The following HCN1 variants were observed in gnomAD, a reference collection of about 807,000 sequenced individuals.
The protein encoded by HCN1 is hyperpolarization activated cyclic nucleotide gated potassium channel 1.
In HCN1, 13 loss-of-function variants were observed where a neutral mutation model predicts 78.9. The ratio of observed to expected loss-of-function variants is 0.16; its 90% CI spans 0.11 to 0.26. HCN1 has a LOEUF of 0.26. Among genes scored for constraint, HCN1 ranks in the 10% least tolerant of loss-of-function variants. The probability of loss-of-function intolerance (pLI) is 1.00; values close to 1 mark genes in which losing one functional copy is unlikely to be tolerated. For missense variants in HCN1, 810 were observed against 1,154.3 expected, an observed-to-expected ratio of 0.70 and a Z score of 4.32; for synonymous variants, 552 against 455.5, an observed-to-expected ratio of 1.21 and a Z score of -2.70.
At chr5:45,301,078 G>C (rs1745606613) in intron 6 of HCN1, among the ~76,000 whole-genome samples, 1 of 151,864 alleles carries the variant, frequency 6.6e-6, no homozygotes, top group Non-Finnish European at 1.5e-5. Context: ...TGGTTATTTT[G>C]ATAAAGTTAA....
At chr5:45,456,612 T>C (rs1342693697) in intron 3 of HCN1, among the ~76,000 whole-genome samples, 2 of 152,026 alleles carry the variant, frequency 1.3e-5, no homozygotes, top group Non-Finnish European at 2.9e-5. Flanking sequence ...AAAACAAACA[T>C]AATTTTACAA....
chr5:45,315,476 T>C (rs1456707192), intron 5 of HCN1, among the ~76,000 whole-genome samples: 11 of 152,046 alleles, frequency 7.2e-5, no homozygotes, highest in Admixed American at 2.0e-4. Context: ...AGTTCTAAAA[T>C]TGACACCCTA....
chr5:45,638,867 C>T (rs1745403660), intron 2 of HCN1, among the ~76,000 whole-genome samples: 1 of 152,148 alleles, frequency 6.6e-6, no homozygotes, highest in Non-Finnish European at 1.5e-5. Flanking sequence ...GAACCAACTA[C>T]CCTCCAGCCT....
intron 2 of HCN1, among the ~76,000 whole-genome samples, chr5:45,569,151 T>C (rs577265289): frequency 1.3e-5 from 2 of 152,272 alleles, no homozygotes; most frequent in Non-Finnish European, 2.9e-5. Flanking sequence ...CTTTAGATCA[T>C]ATCCTTTTGT....
intron 2 of HCN1, among the ~76,000 whole-genome samples, chr5:45,552,070 G>A (rs1452992248): frequency 4.6e-5 from 7 of 151,904 alleles, no homozygotes; most frequent in Non-Finnish European, 8.8e-5. Context: ...TTCTTTGAGA[G>A]AAATTCATGA....
chr5:45,350,995 T>C (rs1403297683), intron 5 of HCN1, among the ~76,000 whole-genome samples: 1 of 152,122 alleles, frequency 6.6e-6, no homozygotes, highest in Non-Finnish European at 1.5e-5. Flanking sequence ...AAGCTACCAA[T>C]GACTGTCTTC....
At chr5:45,372,122 TTA>T (rs374675731) in intron 4 of HCN1, among the ~76,000 whole-genome samples, 46 of 56,096 alleles carry the variant, frequency 8.2e-4, no homozygotes, top group Admixed American at 3.1e-3. Flanking sequence ...TAATTATATA[TTA>T]TATATATAAT....
chr5:45,285,790 A>C (rs541893481), intron 6 of HCN1, among the ~76,000 whole-genome samples: 12 of 151,960 alleles, frequency 7.9e-5, no homozygotes, highest in Non-Finnish European at 1.6e-4. Flanking sequence ...ACCCCCTTGC[A>C]GAACTGGAGG....
intron 1 of HCN1, among the ~76,000 whole-genome samples, chr5:45,677,237 T>C (rs572073332): frequency 6.6e-6 from 1 of 151,910 alleles, no homozygotes; most frequent in East Asian, 1.9e-4. Flanking sequence ...CATGTCTTCC[T>C]CACAAGATTG....
intron 2 of HCN1, among the ~76,000 whole-genome samples, chr5:45,531,995 G>A (rs540313897): frequency 3.3e-5 from 5 of 152,168 alleles, no homozygotes; most frequent in African/African-American, 9.6e-5. Flanking sequence ...AGCCGAGATC[G>A]CACCACTGCA....
chr5:45,510,745 G>A (rs1313603405), intron 2 of HCN1, among the ~76,000 whole-genome samples: 2 of 151,958 alleles, frequency 1.3e-5, no homozygotes, highest in African/African-American at 4.8e-5. Context: ...TTCCAGGTGG[G>A]CAAAAGAAGA....
chr5:45,348,389 C>A (rs771921510), intron 5 of HCN1, among the ~76,000 whole-genome samples: 2 of 152,136 alleles, frequency 1.3e-5, no homozygotes, highest in Non-Finnish European at 1.5e-5. Flanking sequence ...AAAGGAACGA[C>A]CGGTACCAGC....
intron 1 of HCN1, among the ~76,000 whole-genome samples, chr5:45,670,451 A>T (rs1236493715): frequency 6.6e-6 from 1 of 151,728 alleles, no homozygotes; most frequent in African/African-American, 2.4e-5. Flanking sequence ...TAAACATAGC[A>T]GTGCATTTTC....
At chr5:45,615,417 GGATAT>G (rs1744923510) in intron 2 of HCN1, among the ~76,000 whole-genome samples, 1 of 151,880 alleles carries the variant, frequency 6.6e-6, no homozygotes, top group Non-Finnish European at 1.5e-5. Context: ...AACAATACTG[GGATAT>G]GTTTTATGCC....
chr5:45,693,496 T>G (rs527590721), intron 1 of HCN1, among the ~76,000 whole-genome samples: 1 of 152,276 alleles, frequency 6.6e-6, no homozygotes, highest in South Asian at 2.1e-4. Flanking sequence ...CACACTGGAA[T>G]TTAGAGTATT....
chr5:45,289,023 G>A (rs1745321334), intron 6 of HCN1, among the ~76,000 whole-genome samples: 1 of 152,006 alleles, frequency 6.6e-6, no homozygotes, highest in African/African-American at 2.4e-5. Flanking sequence ...TCATGTAGCA[G>A]ATTCCTAAGA....
At chr5:45,499,309 G>A (rs1298432039) in intron 2 of HCN1, among the ~76,000 whole-genome samples, 1 of 152,146 alleles carries the variant, frequency 6.6e-6, no homozygotes, top group Non-Finnish European at 1.5e-5. Context: ...TTTTTAAGAC[G>A]GTTGGAAAAG....
intron 2 of HCN1, among the ~76,000 whole-genome samples, chr5:45,501,603 G>C (rs1382283476): frequency 6.6e-6 from 1 of 151,922 alleles, no homozygotes; most frequent in Non-Finnish European, 1.5e-5. Context: ...ACCACGCCCG[G>C]TTAATTTTTG....
chr5:45,474,095 T>C (rs1741465097), intron 2 of HCN1, among the ~76,000 whole-genome samples: 2 of 151,946 alleles, frequency 1.3e-5, no homozygotes, highest in South Asian at 4.1e-4. Context: ...ACCCTACACA[T>C]TTTAGTTGAG....
Sources: gnomAD v4.1 joint callset for allele counts (sites outside exome capture counted in the v4.1 genomes callset) on GRCh38, gnomAD v4.1.1 for gene constraint, MANE v1.5 for transcripts, NCBI Gene and HGNC (gene_info 2026-07-23, HGNC 2026-07-21) for gene names.